PRKRA: variants seen among roughly 807,000 people sequenced by gnomAD.
PRKRA encodes interferon-inducible double-stranded RNA-dependent protein kinase activator A.
PRKRA carries 22 observed loss-of-function variants against 32.4 expected under a neutral mutation model. That is an observed-to-expected ratio of 0.68 (90% CI 0.49 to 0.97). The LOEUF (loss-of-function observed/expected upper bound fraction) is 0.97, where lower values mean the gene tolerates loss of function less well. Among genes scored for constraint, PRKRA ranks in the 50% least tolerant of loss-of-function variants. The pLI is 0.00. For synonymous variants in PRKRA, 139 were observed against 129.8 expected (o/e 1.07, Z -0.48); for missense variants, 319 against 375.6 (o/e 0.85, Z 1.25).
chr2:178,442,359 A>C (rs1207586150), intron 5 of PRKRA, among the ~76,000 whole-genome samples: 3 of 151,992 alleles, frequency 2.0e-5, no homozygotes, highest in African/African-American at 7.3e-5. Flanking sequence ...CTGAATTATA[A>C]CTCCTCTCTC....
chr2:178,449,591 G>A (rs1485821158), intron 2 of PRKRA, among the ~76,000 whole-genome samples: 2 of 152,216 alleles, frequency 1.3e-5, no homozygotes, highest in Non-Finnish European at 2.9e-5. Flanking sequence ...AAGAAAGCAT[G>A]AACTTTAAAA....
chr2:178,431,822 A>C lies in PRKRA; in HGVS notation c.*275T>G, dbSNP rs1696662597. 1 of 466,696 alleles carries C rather than the reference A, an allele frequency of 2.1e-6. No homozygotes were observed. The allele number at this position is 466,696 out of a possible 1,614,324, so 28.9% of individuals were successfully genotyped here. A position where few individuals can be genotyped will look rare whatever the true frequency, so the allele number is the denominator to read the frequency against. On this transcript the variant is annotated 3_prime_UTR_variant, in exon 8 of 8. Coordinates refer to ENST00000325748, the MANE Select transcript of PRKRA (RefSeq NM_003690.5). ...ATTTCATCATCAACAACAAACATGC[A>C]GTTTCTTTCTCTGATGTGCATGGCA...
chr2:178,450,079 A>G (rs1697500363), intron 2 of PRKRA, 163 bp downstream of exon 2: 3 of 902,128 alleles, frequency 3.3e-6, no homozygotes, highest in Non-Finnish European at 5.4e-6. Flanking sequence ...GAAGAGAATC[A>G]GATGCAGCTG....
Position 178,432,231 on chromosome 2 carries a change from A to G in PRKRA, c.808T>C (p.Tyr270His), listed in dbSNP as rs1696685478. The G allele has an allele frequency of 6.2e-7, 1 of 1,614,268 alleles. No individual in the cohort carries two copies. The highest frequency in any genetic ancestry group is 2.2e-5 in the East Asian group (1 of 44,888). ...DIDELSANGQ[Y>H]QCLAELSTSP... is the part of the protein sequence containing the mutation. ...GTGGACAGTTCAGCAAGACATTGAT[A>G]TTGTCCATTGGCGCTCAGTTCATCT... is the stretch of plus-strand genomic sequence containing the variant. Residue 270 changes from tyrosine to histidine, a missense_variant, in exon 8 of 8, where the codon TAT becomes CAT. Physicochemically the swap from Tyr to His is moderately conservative, Grantham distance 83 (BLOSUM62 2). Coordinates refer to ENST00000325748, the MANE Select transcript of PRKRA (RefSeq NM_003690.5).
Position 178,451,040 on chromosome 2 carries a change from G to A in PRKRA, c.-10C>T. 1.3e-6 allele frequency: 2 copies of A among 1,555,362 alleles called. No homozygotes were observed. Among genetic ancestry groups the A allele is most frequent in the Non-Finnish European group, 1.7e-6 (2 of 1,155,806 alleles). On this transcript the variant is annotated 5_prime_UTR_variant, in exon 1 of 8. Transcript: ENST00000325748. Reference sequence around the variant, plus strand: ...GCCTGCTCTGGGACATGGCGAGAAGGGACGGCTCAGCGGCTGGAGGAAGAG... The same window carrying A: ...GCCTGCTCTGGGACATGGCGAGAAGAGACGGCTCAGCGGCTGGAGGAAGAG...
chr2:178,432,961 G>A (rs1233736505), intron 7 of PRKRA, among the ~76,000 whole-genome samples: 1 of 152,168 alleles, frequency 6.6e-6, no homozygotes, highest in Non-Finnish European at 1.5e-5. Context: ...TACTAAAGAT[G>A]GCTGAAATGA....
chr2:178,438,335 A>AAT (rs72456578), intron 6 of PRKRA, among the ~76,000 whole-genome samples: 24 of 151,584 alleles, frequency 1.6e-4, no homozygotes, highest in African/African-American at 3.9e-4. Context: ...CACATCAACA[A>AAT]ATATATATAT....
chr2:178,450,890 G>GT, intron 1 of PRKRA, 76 bp downstream of exon 1: 1 of 1,241,130 alleles, frequency 8.1e-7, no homozygotes, highest in South Asian at 1.6e-5. Flanking sequence ...AATGCCTCTG[G>GT]AGGGCCGGCT....
rs922270807 is a variant in PRKRA, at chr2:178,431,524, A to G, written c.*573T>C. On this transcript the variant is annotated 3_prime_UTR_variant, in exon 8 of 8. Transcript: ENST00000325748. Reference sequence around the variant, plus strand: ...TTATCAACATTAAAATCTTATTCACAATGGCTAACAAGAACAGGATGACAG... The same window carrying G: ...TTATCAACATTAAAATCTTATTCACGATGGCTAACAAGAACAGGATGACAG... 1.3e-5 allele frequency: 2 copies of G among 155,948 alleles called. No individual in the cohort carries two copies. Among genetic ancestry groups the G allele is most frequent in the African/African-American group, 2.4e-5 (1 of 41,482 alleles). The allele number at this position is 155,948 out of a possible 1,614,324, so 9.7% of individuals were successfully genotyped here.
intron 6 of PRKRA, chr2:178,439,664 G>C (rs375527662): frequency 3.2e-4 from 49 of 151,826 alleles, no homozygotes; most frequent in African/African-American, 1.1e-3. Flanking sequence ...GTGTTGGTGG[G>C]CGTCCTTATT....
intron 1 of PRKRA, 105 bp from the exon 2 acceptor site, chr2:178,450,516 G>C: frequency 1.3e-6 from 2 of 1,592,994 alleles, no homozygotes; most frequent in Non-Finnish European, 1.7e-6. Flanking sequence ...GGGAGGCGCC[G>C]AGTTCCCCGG....
chr2:178,450,762 C>T, intron 1 of PRKRA: 1 of 1,346,350 alleles, frequency 7.4e-7, no homozygotes, highest in Non-Finnish European at 9.5e-7. Context: ...CCCCGCGCGC[C>T]GCCAGGGACC....
intron 2 of PRKRA, among the ~76,000 whole-genome samples, chr2:178,448,583 C>T (rs1273431834): frequency 2.6e-5 from 4 of 151,724 alleles, no homozygotes; most frequent in Non-Finnish European, 5.9e-5. Flanking sequence ...CAGAGTGAGA[C>T]CCTGTCTCAA....
chr2:178,444,560 T>C, intron 3 of PRKRA, 60 bp from the exon 4 acceptor site: 1 of 1,034,598 alleles, frequency 9.7e-7, no homozygotes, highest in Non-Finnish European at 1.3e-6. Flanking sequence ...ATGAAATAAA[T>C]GACAAGCATT....
chr2:178,444,537 T>C (rs2154125220), intron 3 of PRKRA, 37 bp from the exon 4 acceptor site: 1 of 742,528 alleles, frequency 1.3e-6, no homozygotes, highest in South Asian at 1.9e-5. Context: ...AACAAAATAA[T>C]TTCCCCCGAA....
Position 178,436,695 on chromosome 2 carries a change from C to T in PRKRA, c.610-376G>A, listed in dbSNP as rs1158022313. 7.3e-5 allele frequency among the ~76,000 whole-genome samples: 11 copies of T among 151,620 alleles called. No homozygotes were observed. The East Asian group carries it at 1.9e-3, about 27-fold the overall frequency. ...GCAATTTGCAGATTAAAATATAGAACAATTTTCATATCTTTGGTTTTTTTT... is the reference window on the plus strand; with the variant it reads ...GCAATTTGCAGATTAAAATATAGAATAATTTTCATATCTTTGGTTTTTTTT... On this transcript the variant is annotated intron_variant, in intron 6 of 7. Coordinates refer to ENST00000325748, the MANE Select transcript of PRKRA (RefSeq NM_003690.5).
chr2:178,443,168 T>G, intron 5 of PRKRA, 99 bp downstream of exon 5: 1 of 907,852 alleles, frequency 1.1e-6, no homozygotes, highest in Non-Finnish European at 1.8e-6. Context: ...GTATCAATTT[T>G]TCTGCATAGA....
At chr2:178,447,459 A>G (rs1184416079) in intron 3 of PRKRA, 46 bp downstream of exon 3, 1 of 1,306,384 alleles carries the variant, frequency 7.7e-7, no homozygotes, top group Non-Finnish European at 1.0e-6. Flanking sequence ...ATCTTACCTC[A>G]GCCATGATAT....
chr2:178,433,276 G>A lies in PRKRA; in HGVS notation c.785-1022C>T, dbSNP rs1696745021. The A allele has an allele frequency of 2.6e-5, 4 of 152,226 alleles. No individual in the cohort carries two copies. The South Asian group carries it at 8.3e-4, about 32-fold the overall frequency. The allele number at this position is 152,226 out of a possible 1,614,324, so 9.4% of individuals were successfully genotyped here. On this transcript the variant is annotated intron_variant, in intron 7 of 7. Transcript: ENST00000325748. Reference sequence around the variant, plus strand: ...CACTTATTCACTGATGGATGTTTTGGGCTGTTTCTACCTTTTGGCTTTTGT... The same window carrying A: ...CACTTATTCACTGATGGATGTTTTGAGCTGTTTCTACCTTTTGGCTTTTGT...
Sources: gnomAD v4.1 joint callset for allele counts (sites outside exome capture counted in the v4.1 genomes callset) on GRCh38, gnomAD v4.1.1 for gene constraint, MANE v1.5 for transcripts, NCBI Gene and HGNC (gene_info 2026-07-23, HGNC 2026-07-21) for gene names.